ZNF740: variants seen among roughly 807,000 people sequenced by gnomAD.
The protein encoded by ZNF740 is zinc finger protein 740.
A neutral mutation model predicts 24.8 loss-of-function variants in ZNF740; 14 were observed. That is an observed-to-expected ratio of 0.56 (90% CI 0.37 to 0.88). The LOEUF (loss-of-function observed/expected upper bound fraction) is 0.88. Among genes scored for constraint, ZNF740 ranks in the 40% least tolerant of loss-of-function variants. ZNF740 has a pLI of 0.00. For missense variants in ZNF740, 201 were observed against 247.9 expected (o/e 0.81, Z 1.27); for synonymous variants, 69 against 84.0 (o/e 0.82, Z 0.98).
rs754306989 is a variant in ZNF740, at chr12:53,191,862, CTTCCAGTTGAGTTGTTG to C, written c.*4273_*4289del. On this transcript the variant is annotated 3_prime_UTR_variant, in exon 7 of 7. Coordinates refer to ENST00000416904, the MANE Select transcript of ZNF740 (RefSeq NM_001004304.4). ...CCTAACCAGGAAGTCTCCTCACCTG[CTTCCAGTTGAGTTGTTG>C]CTGCTCCTTCTCAAAGCGACTGTAT... 6.2e-7 allele frequency: 1 copy of C among 1,613,546 alleles called. No homozygotes were observed. The highest frequency in any genetic ancestry group is 8.5e-7 in the Non-Finnish European group (1 of 1,179,954).
At chr12:53,186,299 C>G in intron 5 of ZNF740, 92 bp from the exon 6 acceptor site, 1 of 1,267,236 alleles carries the variant, frequency 7.9e-7, no homozygotes, top group Non-Finnish European at 1.1e-6. Context: ...GGTGTCTACA[C>G]ATTACTAAGA....
chr12:53,191,514 T>C lies in ZNF740; in HGVS notation c.*3924T>C, dbSNP rs1240665915. 1 of 1,482,010 alleles carries C rather than the reference T, an allele frequency of 6.7e-7. No homozygotes were observed. The highest frequency in any genetic ancestry group is 1.4e-5 in the African/African-American group (1 of 72,188). The allele number at this position is 1,482,010 out of a possible 1,614,324, so 91.8% of individuals were successfully genotyped here. A position where few individuals can be genotyped will look rare whatever the true frequency, so the allele number is the denominator to read the frequency against. On this transcript the variant is annotated 3_prime_UTR_variant, in exon 7 of 7. Transcript: ENST00000416904. ...TCCTCTCACCCTCCAGTTCCCACTGTCCTCCAAGGAGAAGAGCCTTGGGTA... is the reference window on the plus strand; with the variant it reads ...TCCTCTCACCCTCCAGTTCCCACTGCCCTCCAAGGAGAAGAGCCTTGGGTA...
At chr12:53,183,648 A>G (rs1029283394) in intron 2 of ZNF740, among the ~76,000 whole-genome samples, 1 of 152,234 alleles carries the variant, frequency 6.6e-6, no homozygotes, top group Admixed American at 6.5e-5. Context: ...AAATGTGATC[A>G]TACAAGCACA....
intron 2 of ZNF740, among the ~76,000 whole-genome samples, chr12:53,184,408 G>A (rs1011962593): frequency 9.9e-5 from 15 of 151,956 alleles, no homozygotes; most frequent in Admixed American, 9.8e-4. Flanking sequence ...GGCTTGTCTC[G>A]AACTCCTGAC....
At chr12:53,185,305 T>G in intron 3 of ZNF740, 82 bp from the exon 4 acceptor site, 1 of 1,456,080 alleles carries the variant, frequency 6.9e-7, no homozygotes, top group South Asian at 1.2e-5. Flanking sequence ...CTCTCATTTA[T>G]GAATTTTGTC....
Position 53,190,564 on chromosome 12 carries a change from A to T in ZNF740, c.*2974A>T, listed in dbSNP as rs901360106. On this transcript the variant is annotated 3_prime_UTR_variant, in exon 7 of 7. Transcript: ENST00000416904. ...CCATGGCTTGACATTGGAGGGTTAC[A>T]TTAGTGGAGTCCGCCACAGCTTCGA... 27 of 152,578 alleles carry T rather than the reference A, an allele frequency of 1.8e-4. No homozygotes were observed. The highest frequency in any genetic ancestry group is 1.8e-3 in the Admixed American group (27 of 15,268). 9.5% of individuals were successfully genotyped at this position (152,578 alleles called of 1,614,324 possible). A position where few individuals can be genotyped will look rare whatever the true frequency, so the allele number is the denominator to read the frequency against.
Position 53,192,097 on chromosome 12 carries a change from C to A in ZNF740, c.*4507C>A. 1 of 1,485,818 alleles carries A rather than the reference C, an allele frequency of 6.7e-7. No individual in the cohort carries two copies. 92.0% of individuals were successfully genotyped at this position (1,485,818 alleles called of 1,614,324 possible). On this transcript the variant is annotated 3_prime_UTR_variant, in exon 7 of 7. Transcript: ENST00000416904. ...CATCAGTTGCTCACAGTGTGTCCAG[C>A]CTGTCCAACCCTGTCTGTCACTGAA...
intron 6 of ZNF740, chr12:53,186,776 T>C (rs1239767949): frequency 6.2e-6 from 2 of 321,016 alleles, no homozygotes; most frequent in African/African-American, 4.1e-5. Flanking sequence ...GATGATTTTA[T>C]TTAATCCTCA....
intron 1 of ZNF740, chr12:53,181,102 A>C (rs1245823217): frequency 2.7e-5 from 25 of 938,782 alleles, no homozygotes; most frequent in Non-Finnish European, 2.8e-5. Flanking sequence ...GCTTCTCGGC[A>C]CTCTCCGGCT....
chr12:53,185,464 G>A lies in ZNF740; in HGVS notation c.237G>A (p.Lys79=). The A allele has an allele frequency of 6.2e-7, 1 of 1,613,902 alleles. No individual in the cohort carries two copies. The highest frequency in any genetic ancestry group is 8.5e-7 in the Non-Finnish European group (1 of 1,179,858). ...DSLSEASHSK[K]TVKKVVVVEQ... Reference sequence around the variant, plus strand: ...TGTCTGAGGCCTCTCATTCAAAAAAGACTGTTAAAAAGGCAGGTAATGGGG... The same window carrying A: ...TGTCTGAGGCCTCTCATTCAAAAAAAACTGTTAAAAAGGCAGGTAATGGGG... Residue 79 remains lysine (K), a synonymous_variant, in exon 4 of 7, where the codon AAG becomes AAA. Transcript: ENST00000416904.
At position 53,192,863 on chromosome 12, in the gene ZNF740, T is replaced by C; in HGVS notation, c.*5273T>C. On this transcript the variant is annotated 3_prime_UTR_variant, in exon 7 of 7. Coordinates refer to ENST00000416904, the MANE Select transcript of ZNF740 (RefSeq NM_001004304.4). ...CCACTGCATTCGCATGCTCTGCCCG[T>C]GCGGTTGGCATGACAGTGACATACT... 6.2e-7 allele frequency: 1 copy of C among 1,614,158 alleles called. No homozygotes were observed.
At chr12:53,186,235 T>C (rs1316905444) in intron 5 of ZNF740, among the ~76,000 whole-genome samples, 156 bp from the exon 6 acceptor site, 2 of 152,210 alleles carry the variant, frequency 1.3e-5, no homozygotes, top group Non-Finnish European at 2.9e-5. Flanking sequence ...GCTTTGTATC[T>C]GGTGTCACTG....
Position 53,193,466 on chromosome 12 carries a change from G to A in ZNF740, c.*5876G>A. 2 of 884,934 alleles carry A rather than the reference G, an allele frequency of 2.3e-6. No homozygotes were observed. The highest frequency in any genetic ancestry group is 3.4e-6 in the Non-Finnish European group (2 of 589,850). The allele number at this position is 884,934 out of a possible 1,614,324, so 54.8% of individuals were successfully genotyped here. ...AACCCAAGTTCTCAAAAGAGTTGGA[G>A]ACAGACAAACAGCTGAAAGGATGTT... On this transcript the variant is annotated 3_prime_UTR_variant, in exon 7 of 7. Coordinates refer to ENST00000416904, the MANE Select transcript of ZNF740 (RefSeq NM_001004304.4).
intron 5 of ZNF740, 98 bp downstream of exon 5, chr12:53,186,175 T>C (rs746755445): frequency 4.2e-6 from 6 of 1,441,962 alleles, no homozygotes; most frequent in Non-Finnish European, 5.7e-6. Context: ...AATGGGTAAG[T>C]ATTAGAAATG....
chr12:53,186,584 G>A, intron 6 of ZNF740, 75 bp downstream of exon 6: 2 of 1,251,638 alleles, frequency 1.6e-6, no homozygotes, highest in Non-Finnish European at 2.3e-6. Context: ...CTCCACTCCT[G>A]CCTGACAAAA....
chr12:53,192,886 A>G lies in ZNF740; in HGVS notation c.*5296A>G. On this transcript the variant is annotated 3_prime_UTR_variant, in exon 7 of 7. Transcript: ENST00000416904. ...CGTGCGGTTGGCATGACAGTGACAT[A>G]CTCCACATTGGCAGCGACCAAAGCC... 6.2e-7 allele frequency: 1 copy of G among 1,613,974 alleles called. No homozygotes were observed. Among genetic ancestry groups the G allele is most frequent in the South Asian group, 1.1e-5 (1 of 91,076 alleles).
rs754399881 is a variant in ZNF740 at position 53,193,341 on chromosome 12, G to T, written c.*5751G>T. ...TCTGCCACAGAGCACTCACAGAGCC[G>T]ACCTAGGCGGCCAGGGGCACAGCTG... is the stretch of plus-strand genomic sequence containing the variant. On this transcript the variant is annotated 3_prime_UTR_variant, in exon 7 of 7. Transcript: ENST00000416904. 6.3e-7 allele frequency: 1 copy of T among 1,590,602 alleles called. No individual in the cohort carries two copies. Among genetic ancestry groups the T allele is most frequent in the East Asian group, 2.3e-5 (1 of 44,396 alleles).
At chr12:53,182,361 A>C (rs1941681138) in intron 2 of ZNF740, among the ~76,000 whole-genome samples, 1 of 152,178 alleles carries the variant, frequency 6.6e-6, no homozygotes, top group African/African-American at 2.4e-5. Context: ...CATGCAAGGC[A>C]TTGTGCTGGG....
At chr12:53,184,144 T>TGC (rs1050110810) in intron 2 of ZNF740, among the ~76,000 whole-genome samples, 9 of 105,150 alleles carry the variant, frequency 8.6e-5, no homozygotes, top group African/African-American at 3.4e-4. Flanking sequence ...TGTGTGTGTG[T>TGC]GTGTGTGCGC....
Sources: allele counts gnomAD v4.1 joint callset (sites outside exome capture counted in the v4.1 genomes callset), GRCh38; gene constraint gnomAD v4.1.1; transcripts MANE v1.5; gene names NCBI Gene and HGNC (gene_info 2026-07-23, HGNC 2026-07-21).